The following IFT43 variants were observed in gnomAD, a reference collection of about 807,000 sequenced individuals.
IFT43 encodes intraflagellar transport protein 43 homolog.
In IFT43, 33 loss-of-function variants were observed where a neutral mutation model predicts 32.3. That is an observed-to-expected ratio of 1.02 (90% CI 0.77 to 1.37). The LOEUF is 1.37. Among genes scored for constraint, IFT43 ranks in the 40% most tolerant of loss-of-function variants. The pLI, the probability that IFT43 is intolerant of heterozygous loss-of-function variation, is 0.00. For missense variants in IFT43, 274 were observed against 265.9 expected, an observed-to-expected ratio of 1.03 and a Z score of -0.21; for synonymous variants, 93 against 98.2, an observed-to-expected ratio of 0.95 and a Z score of 0.31.
At chr14:76,051,529 A>G (rs554379922) in intron 3 of IFT43, among the ~76,000 whole-genome samples, 7 of 152,190 alleles carry the variant, frequency 4.6e-5, no homozygotes, top group African/African-American at 1.7e-4. Flanking sequence ...CGCTTCACAC[A>G]TTTATAAAGT....
At chr14:76,029,668 T>C (rs531542039) in intron 3 of IFT43, among the ~76,000 whole-genome samples, 19 of 152,050 alleles carry the variant, frequency 1.2e-4, no homozygotes, top group Admixed American at 2.6e-4. Flanking sequence ...CCAGTTTCAT[T>C]CTTTTACATA....
intron 2 of IFT43, among the ~76,000 whole-genome samples, chr14:75,989,983 T>C (rs1470198136): frequency 3.3e-5 from 5 of 152,266 alleles, no homozygotes; most frequent in African/African-American, 1.2e-4. Context: ...CATTTATCTT[T>C]CATTTTCTCC....
At chr14:76,059,250 A>G (rs941861363) in intron 4 of IFT43, 77 bp from the exon 5 acceptor site, 1 of 1,612,382 alleles carries the variant, frequency 6.2e-7, no homozygotes, top group Non-Finnish European at 8.5e-7. Context: ...AAGAATGGAT[A>G]CAATAAACAT....
intron 5 of IFT43, among the ~76,000 whole-genome samples, chr14:76,062,938 A>G (rs113587514): frequency 3.0e-4 from 36 of 120,888 alleles, no homozygotes; most frequent in Non-Finnish European, 4.3e-4. Context: ...AAAAAAAAAA[A>G]AAAGAAAATA....
chr14:76,070,185 G>A (rs1338213337), intron 5 of IFT43, among the ~76,000 whole-genome samples: 4 of 152,212 alleles, frequency 2.6e-5, no homozygotes, highest in African/African-American at 9.6e-5. Context: ...ATGCTAGGCT[G>A]TCAATGGAAT....
chr14:76,043,950 C>G (rs2036755155), intron 3 of IFT43, among the ~76,000 whole-genome samples: 1 of 152,156 alleles, frequency 6.6e-6, no homozygotes. Flanking sequence ...ACCCCCTTTC[C>G]AGCTTGATTA....
intron 5 of IFT43, among the ~76,000 whole-genome samples, chr14:76,078,370 G>T (rs1214482218): frequency 6.6e-6 from 1 of 152,070 alleles, no homozygotes; most frequent in Non-Finnish European, 1.5e-5. Flanking sequence ...TTCCTTCTTT[G>T]TGTGTATTTT....
At chr14:75,993,535 A>G (rs74066691) in intron 2 of IFT43, among the ~76,000 whole-genome samples, 2,986 of 152,284 alleles carry the variant, frequency 0.02, 88 homozygotes, top group African/African-American at 0.064. Flanking sequence ...AGGATAGATT[A>G]ATTTTTCAAG....
chr14:76,067,048 C>T (rs571954345), intron 5 of IFT43, among the ~76,000 whole-genome samples: 1 of 152,218 alleles, frequency 6.6e-6, no homozygotes, highest in East Asian at 1.9e-4. Flanking sequence ...AAATGCCCTT[C>T]CTTCTCTTTC....
chr14:76,072,355 T>C (rs1057171592), intron 5 of IFT43, among the ~76,000 whole-genome samples: 20 of 152,166 alleles, frequency 1.3e-4, no homozygotes, highest in Admixed American at 3.9e-4. Flanking sequence ...CACTGGGCCA[T>C]GAGACTTGAC....
At chr14:76,072,354 A>G (rs1209689642) in intron 5 of IFT43, among the ~76,000 whole-genome samples, 9 of 152,166 alleles carry the variant, frequency 5.9e-5, no homozygotes, top group Admixed American at 6.5e-5. Context: ...TCACTGGGCC[A>G]TGAGACTTGA....
chr14:75,999,013 G>A (rs943005618), intron 2 of IFT43, among the ~76,000 whole-genome samples: 6 of 151,780 alleles, frequency 4.0e-5, no homozygotes, highest in Admixed American at 6.6e-5. Flanking sequence ...AGGATTATAG[G>A]CGTGAGCCAC....
intron 2 of IFT43, among the ~76,000 whole-genome samples, chr14:75,992,315 G>T (rs2035659510): frequency 6.6e-6 from 1 of 152,196 alleles, no homozygotes; most frequent in Non-Finnish European, 1.5e-5. Context: ...GGGGGCAAGT[G>T]AGATACGCAT....
chr14:76,021,610 T>C (rs1162137792), intron 2 of IFT43, among the ~76,000 whole-genome samples: 1 of 152,206 alleles, frequency 6.6e-6, no homozygotes, highest in African/African-American at 2.4e-5. Flanking sequence ...GCATAGTATT[T>C]TCATGTGTAT....
rs201394224 is a variant in IFT43 at position 76,083,520 on chromosome 14, G to A, written c.570G>A (p.Glu190=). 1.4e-5 allele frequency: 22 copies of A among 1,613,990 alleles called. No individual in the cohort carries two copies. Among genetic ancestry groups the A allele is most frequent in the Non-Finnish European group, 1.9e-5 (22 of 1,179,966 alleles). The change falls in exon 9 of 9, where the codon GAG becomes GAA. Residue 190 remains glutamate, a synonymous_variant. Coordinates refer to ENST00000314067, the MANE Select transcript of IFT43 (RefSeq NM_001102564.3). Reference sequence around the variant, plus strand: ...AGGTGTCCTCAGAGGTCCTCACTGAGTGGGACCCACTGCAGACGGAGAAGG... The same window carrying A: ...AGGTGTCCTCAGAGGTCCTCACTGAATGGGACCCACTGCAGACGGAGAAGG... ...FTEVSSEVLT[E]WDPLQTEKED...
chr14:76,081,236 CT>C (rs2140097468), intron 5 of IFT43, among the ~76,000 whole-genome samples: 1 of 152,326 alleles, frequency 6.6e-6, no homozygotes, highest in South Asian at 2.1e-4. Flanking sequence ...TGATTTGCAC[CT>C]CTTTGAAAAC....
chr14:76,014,818 C>A (rs1050531214), intron 2 of IFT43, among the ~76,000 whole-genome samples: 1 of 152,106 alleles, frequency 6.6e-6, no homozygotes, highest in Non-Finnish European at 1.5e-5. Context: ...GTGGAAGTGC[C>A]CCATGGCTGA....
chr14:76,047,051 C>T (rs771350634), intron 3 of IFT43, among the ~76,000 whole-genome samples: 10 of 152,214 alleles, frequency 6.6e-5, no homozygotes, highest in Non-Finnish European at 1.2e-4. Context: ...ACTAGCTACC[C>T]ACCAGCCCTT....
At chr14:76,064,499 A>G (rs1173581292) in intron 5 of IFT43, among the ~76,000 whole-genome samples, 1 of 152,222 alleles carries the variant, frequency 6.6e-6, no homozygotes, top group African/African-American at 2.4e-5. Context: ...GTGTGCATGG[A>G]AATTGTAATG....
Sources: allele counts gnomAD v4.1 joint callset (sites outside exome capture counted in the v4.1 genomes callset), GRCh38; gene constraint gnomAD v4.1.1; transcripts MANE v1.5; gene names NCBI Gene and HGNC (gene_info 2026-07-23, HGNC 2026-07-21).